Variants in RUNDC1 observed in about 807,000 individuals in gnomAD.
RUNDC1 encodes RUN domain containing 1, also known as RUN domain-containing protein 1.
Under a neutral mutation model 49.3 loss-of-function variants are expected in RUNDC1, and 31 were observed. That is an observed-to-expected ratio of 0.63 (90% CI 0.47 to 0.85). The LOEUF (loss-of-function observed/expected upper bound fraction) is 0.85. Among genes scored for constraint, RUNDC1 ranks in the 40% least tolerant of loss-of-function variants. The pLI is 0.00. For synonymous variants in RUNDC1, 347 were observed against 348.6 expected (o/e 1.00, Z 0.05); for missense variants, 715 against 806.7 (o/e 0.89, Z 1.38).
At position 42,991,167 on chromosome 17, in the gene RUNDC1, G is replaced by T. The variant is rs763857356; in HGVS notation, c.1293G>T (p.Thr431=). 12 of 1,614,076 alleles carry T rather than the reference G, an allele frequency of 7.4e-6. No individual in the cohort carries two copies. The highest frequency in any genetic ancestry group is 8.5e-6 in the Non-Finnish European group (10 of 1,180,052). Residue 431 remains threonine, a synonymous_variant, in exon 5 of 5, where the codon ACG becomes ACT. Transcript: ENST00000361677. ...ELTMAVRKEL[T]VAVRDLLAHG... is the part of the protein sequence containing the mutation. ...CTATGGCTGTGCGGAAGGAGCTAAC[G>T]GTGGCTGTGAGGGACCTGCTGGCCC...
intron 1 of RUNDC1, among the ~76,000 whole-genome samples, chr17:42,982,466 C>CA (rs1426434236): frequency 6.6e-6 from 1 of 152,138 alleles, no homozygotes; most frequent in African/African-American, 2.4e-5. Flanking sequence ...CAACTCCTTA[C>CA]ACAAGGAGCA....
chr17:42,993,087 T>A lies in RUNDC1; in HGVS notation c.*1371T>A, dbSNP rs957403157. The A allele has an allele frequency of 1.3e-5, 2 of 152,220 alleles. No individual in the cohort carries two copies. Among genetic ancestry groups the A allele is most frequent in the African/African-American group, 4.8e-5 (2 of 41,450 alleles). 9.4% of individuals were successfully genotyped at this position (152,220 alleles called of 1,614,324 possible). A position where few individuals can be genotyped will look rare whatever the true frequency, so the allele number is the denominator to read the frequency against. On this transcript the variant is annotated 3_prime_UTR_variant, in exon 5 of 5. Transcript: ENST00000361677. ...GGTAACCAGCAGCTGTTCCTCAGGT[T>A]GTGACTCACTGAGCACCACTTGTCC...
At chr17:42,985,595 T>G (rs12942998) in intron 1 of RUNDC1, 2 of 422,624 alleles carry the variant, frequency 4.7e-6, no homozygotes, top group Non-Finnish European at 5.7e-6. Context: ...AGTTAATTTG[T>G]TGTTTTCTTT....
intron 1 of RUNDC1, among the ~76,000 whole-genome samples, chr17:42,982,154 T>C (rs1179812752): frequency 6.6e-6 from 1 of 151,914 alleles, no homozygotes; most frequent in Admixed American, 6.6e-5. Context: ...CCCAGTTAAT[T>C]TTGTTTATTT....
chr17:42,985,341 T>C (rs148603181), intron 1 of RUNDC1, among the ~76,000 whole-genome samples: 6 of 152,290 alleles, frequency 3.9e-5, no homozygotes, highest in African/African-American at 1.4e-4. Flanking sequence ...AAACAAATAA[T>C]GTGATATGAG....
intron 1 of RUNDC1, among the ~76,000 whole-genome samples, chr17:42,985,838 T>C (rs2050164303): frequency 6.6e-6 from 1 of 152,170 alleles, no homozygotes; most frequent in African/African-American, 2.4e-5. Flanking sequence ...TTTTTATTAG[T>C]TGAAATGCAG....
chr17:42,990,330 C>G lies in RUNDC1; in HGVS notation c.870C>G (p.Ser290Arg). The change falls in exon 4 of 5, where the codon AGC becomes AGG. Residue 290 changes from serine to arginine, a missense_variant. Ser to Arg is a moderately radical substitution (Grantham distance 110, BLOSUM62 -1). Around this residue, in one of 5 missense-constraint regions of RUNDC1, gnomAD observed 425 missense variants for 499.7 expected, o/e 0.85. Transcript: ENST00000361677. ...TTCTGATTCCAGATGAAGTGGGAAGCCCCTTGCAGACAGGTGGTGGACACT... is the reference window on the plus strand; with the variant it reads ...TTCTGATTCCAGATGAAGTGGGAAGGCCCTTGCAGACAGGTGGTGGACACT... ...FINFIQDEVG[S>R]PLQTGGGHCE... 1.9e-6 allele frequency: 3 copies of G among 1,613,894 alleles called. No homozygotes were observed. Among genetic ancestry groups the G allele is most frequent in the Non-Finnish European group, 2.5e-6 (3 of 1,179,950 alleles).
At position 42,991,282 on chromosome 17, in the gene RUNDC1, A is replaced by G. The variant is rs769581002; in HGVS notation, c.1408A>G (p.Met470Val). Residue 470 changes from methionine to valine, a missense_variant, in exon 5 of 5, where the codon ATG (methionine) becomes GTG (valine). This residue lies in a region of RUNDC1 where 425 missense variants were observed against 499.7 expected (regional missense o/e 0.85). Coordinates refer to ENST00000361677, the MANE Select transcript of RUNDC1 (RefSeq NM_173079.5). ...LPAFSSAPEAMHPWELFVKYY... is the reference protein window; with the variant it reads ...LPAFSSAPEAVHPWELFVKYY... The stretch of plus-strand genomic sequence containing the variant: ...AGCCTTCTCCTCGGCCCCAGAGGCC[A>G]TGCACCCGTGGGAGCTCTTTGTAAA... 7 of 1,614,054 alleles carry G rather than the reference A, an allele frequency of 4.3e-6. No homozygotes were observed. The highest frequency in any genetic ancestry group is 1.7e-5 in the Admixed American group (1 of 60,006).
chr17:42,988,097 C>CCAGGAATCCAGACTGACTTTAA (rs1342236094), intron 2 of RUNDC1, among the ~76,000 whole-genome samples: 2 of 151,874 alleles, frequency 1.3e-5, no homozygotes, highest in Non-Finnish European at 2.9e-5. Context: ...GATAAACATG[C>CCAGGAATCCAGACTGACTTTAA]CAGGAATCCA....
chr17:42,987,911 C>T (rs1006294726), intron 2 of RUNDC1, among the ~76,000 whole-genome samples: 1 of 151,896 alleles, frequency 6.6e-6, no homozygotes, highest in African/African-American at 2.4e-5. Flanking sequence ...CGCCACCATG[C>T]TGGGCTAATT....
chr17:42,984,702 G>A (rs1372948225), intron 1 of RUNDC1, among the ~76,000 whole-genome samples: 1 of 152,054 alleles, frequency 6.6e-6, no homozygotes, highest in Non-Finnish European at 1.5e-5. Flanking sequence ...AACAGACTTG[G>A]TCATGAAAAT....
At chr17:42,984,111 A>G (rs2050138492) in intron 1 of RUNDC1, among the ~76,000 whole-genome samples, 1 of 151,966 alleles carries the variant, frequency 6.6e-6, no homozygotes, top group African/African-American at 2.4e-5. Flanking sequence ...CTGGGACCAC[A>G]GGCGCACACT....
At chr17:42,986,989 A>G (rs939080255) in intron 1 of RUNDC1, among the ~76,000 whole-genome samples, 33 of 152,164 alleles carry the variant, frequency 2.2e-4, no homozygotes, top group Non-Finnish European at 4.6e-4. Flanking sequence ...GGGGGAAAAA[A>G]GGCAGTCTTA....
chr17:42,990,456 C>A lies in RUNDC1; in HGVS notation c.976+20C>A, dbSNP rs372228503. The A allele has an allele frequency of 2.5e-6, 4 of 1,612,568 alleles. No individual in the cohort carries two copies. The highest frequency in any genetic ancestry group is 1.3e-5 in the African/African-American group (1 of 74,874). On this transcript the variant is annotated intron_variant, in intron 4 of 4. Transcript: ENST00000361677. ...GCAAAAGTAAGTGCAGTTTCCAGAA[C>A]AGGCAAATCTCTAGAGACAGAAAGT...
chr17:42,988,987 G>A (rs2050204721), intron 2 of RUNDC1, among the ~76,000 whole-genome samples: 1 of 152,074 alleles, frequency 6.6e-6, no homozygotes, highest in South Asian at 2.1e-4. Context: ...TTAAAAATCA[G>A]TATATATTCT....
intron 3 of RUNDC1, 137 bp from the exon 4 acceptor site, chr17:42,990,179 TC>T: frequency 9.0e-7 from 1 of 1,111,548 alleles, no homozygotes; most frequent in Non-Finnish European, 1.3e-6. Flanking sequence ...TGTATGCCAG[TC>T]CTCATTTTAC....
chr17:42,983,673 AT>A lies in RUNDC1; in HGVS notation c.498+2612del, dbSNP rs556766571. On this transcript the variant is annotated intron_variant, in intron 1 of 4. Transcript: ENST00000361677. ...AGGCATGAACCACTGTACCCCGCCA[AT>A]TTTTTTTTTTTTCTTGAGACAGAGT... Among the ~76,000 whole-genome samples, 346 of 138,074 alleles carry A rather than the reference AT, an allele frequency of 2.5e-3. 4 individuals are homozygous for A. Among genetic ancestry groups the A allele is most frequent in the Admixed American group, 3.6e-3 (50 of 13,846 alleles). 90.6% of individuals were successfully genotyped at this position (138,074 alleles called of 152,430 possible).
At chr17:42,985,890 A>G (rs748357364) in intron 1 of RUNDC1, among the ~76,000 whole-genome samples, 1 of 152,224 alleles carries the variant, frequency 6.6e-6, no homozygotes, top group Non-Finnish European at 1.5e-5. Context: ...GTCACTAGTC[A>G]GCAAAACTTA....
At position 42,994,723 on chromosome 17, in the gene RUNDC1, A is replaced by G. The variant is rs570685220; in HGVS notation, c.*3007A>G. 6.6e-6 allele frequency among the ~76,000 whole-genome samples: 1 copy of G among 152,254 alleles called. No homozygotes were observed. The highest frequency in any genetic ancestry group is 2.4e-5 in the African/African-American group (1 of 41,556). On this transcript the variant is annotated 3_prime_UTR_variant, in exon 5 of 5. Coordinates refer to ENST00000361677, the MANE Select transcript of RUNDC1 (RefSeq NM_173079.5). ...GTGTATCAACTGAGACAACCCAACA[A>G]TTCCATCAGCATCCCTGCAGTCAGA...
Sources: gnomAD v4.1 joint callset for allele counts (sites outside exome capture counted in the v4.1 genomes callset) on GRCh38, gnomAD v4.1.1 for gene constraint, gnomAD v4.1.1 regional missense constraint, MANE v1.5 for transcripts, NCBI Gene and HGNC (gene_info 2026-07-23, HGNC 2026-07-21) for gene names.